Variants in DSCAML1 observed in about 807,000 individuals in gnomAD.
DSCAML1 encodes DS cell adhesion molecule like 1, also known as cell adhesion molecule DSCAML1.
Under a neutral mutation model 200.5 loss-of-function variants are expected in DSCAML1, and 38 were observed. The ratio of observed to expected loss-of-function variants is 0.19; its 90% CI spans 0.15 to 0.25. The LOEUF is 0.25. Ranked by LOEUF, DSCAML1 falls within the 10% of genes least tolerant of loss-of-function variation. The pLI is 1.00. For missense variants in DSCAML1, 2,223 were observed against 2,858.8 expected (o/e 0.78, Z 5.07); for synonymous variants, 1,215 against 1,165.0 (o/e 1.04, Z -0.87).
chr11:117,477,029 C>T (rs1186562821), intron 14 of DSCAML1, among the ~76,000 whole-genome samples: 1 of 152,060 alleles, frequency 6.6e-6, no homozygotes, highest in African/African-American at 2.4e-5. Flanking sequence ...ATCCTCATGG[C>T]CACCCTGAGA....
At chr11:117,600,477 A>G (rs11216465) in intron 3 of DSCAML1, among the ~76,000 whole-genome samples, 7,208 of 152,182 alleles carry the variant, frequency 0.047, 581 homozygotes, top group African/African-American at 0.16. Flanking sequence ...CAGCCCACAG[A>G]GGGGAAATGC....
intron 3 of DSCAML1, among the ~76,000 whole-genome samples, chr11:117,772,923 C>T (rs1244704930): frequency 3.3e-5 from 5 of 152,092 alleles, no homozygotes; most frequent in Admixed American, 1.3e-4. Flanking sequence ...CTTTAAACAG[C>T]GGATGGAAAG....
chr11:117,446,787 A>T (rs1354426666), intron 20 of DSCAML1, among the ~76,000 whole-genome samples: 2 of 152,254 alleles, frequency 1.3e-5, no homozygotes, highest in Admixed American at 1.3e-4. Context: ...GTAAGTCTGT[A>T]TGCAGAACTT....
At chr11:117,695,056 G>A (rs1028143730) in intron 3 of DSCAML1, among the ~76,000 whole-genome samples, 5 of 152,120 alleles carry the variant, frequency 3.3e-5, no homozygotes, top group Admixed American at 3.3e-4. Context: ...TATGGTGGAT[G>A]GATTAGAGGG....
intron 3 of DSCAML1, among the ~76,000 whole-genome samples, chr11:117,756,401 A>G (rs1029099607): frequency 6.6e-6 from 1 of 152,216 alleles, no homozygotes; most frequent in Non-Finnish European, 1.5e-5. Flanking sequence ...GAGCAGAGAT[A>G]GAGAAGCATC....
At chr11:117,644,731 T>C (rs1281872623) in intron 3 of DSCAML1, among the ~76,000 whole-genome samples, 3 of 152,168 alleles carry the variant, frequency 2.0e-5, no homozygotes, top group African/African-American at 7.2e-5. Flanking sequence ...CCTCTGGCAA[T>C]GTTCCTCTGC....
chr11:117,715,465 G>T (rs1201889586), intron 3 of DSCAML1, among the ~76,000 whole-genome samples: 3 of 152,190 alleles, frequency 2.0e-5, no homozygotes, highest in South Asian at 2.1e-4. Flanking sequence ...TTTTACAACA[G>T]AAAGTATATC....
At chr11:117,573,607 C>G (rs772651041) in intron 3 of DSCAML1, among the ~76,000 whole-genome samples, 1 of 152,218 alleles carries the variant, frequency 6.6e-6, no homozygotes, top group Non-Finnish European at 1.5e-5. Context: ...AGACAGCTCT[C>G]CAGTGAGGCC....
At chr11:117,684,495 C>T (rs148989781) in intron 3 of DSCAML1, among the ~76,000 whole-genome samples, 58 of 139,236 alleles carry the variant, frequency 4.2e-4, no homozygotes, top group African/African-American at 9.4e-4. Context: ...GGGGTGAAGA[C>T]GCTAGGATAT....
At chr11:117,623,314 T>C (rs145860059) in intron 3 of DSCAML1, among the ~76,000 whole-genome samples, 1 of 149,954 alleles carries the variant, frequency 6.7e-6, no homozygotes, top group Non-Finnish European at 1.5e-5. Context: ...CATCTCAGGT[T>C]CAAGTGATTC....
intron 3 of DSCAML1, among the ~76,000 whole-genome samples, chr11:117,660,905 A>G (rs908050642): frequency 3.3e-5 from 5 of 152,180 alleles, no homozygotes; most frequent in African/African-American, 1.2e-4. Flanking sequence ...ATCACATTAT[A>G]TACACTGCTG....
rs79316138 is a variant in DSCAML1 at position 117,718,671 on chromosome 11, C to A, written c.511+58120G>T. The stretch of plus-strand genomic sequence containing the variant: ...ACACACAAGATGAATACTCAAAACC[C>A]CCCCCCCCCCCCATCATATGAGACC... On this transcript the variant is annotated intron_variant, in intron 3 of 32. Coordinates refer to ENST00000651296, the MANE Select transcript of DSCAML1 (RefSeq NM_020693.4). Among the ~76,000 whole-genome samples, 8 of 53,270 alleles carry A rather than the reference C, an allele frequency of 1.5e-4. 1 individual carries two copies. The highest frequency in any genetic ancestry group is 2.1e-4 in the Non-Finnish European group (5 of 23,370). 34.9% of individuals were successfully genotyped at this position (53,270 alleles called of 152,430 possible). A position where few individuals can be genotyped will look rare whatever the true frequency, so the allele number is the denominator to read the frequency against.
At chr11:117,502,848 C>T (rs2049422509) in intron 11 of DSCAML1, among the ~76,000 whole-genome samples, 1 of 152,142 alleles carries the variant, frequency 6.6e-6, no homozygotes. Flanking sequence ...CGAGCCCAAC[C>T]CCCCGCTCAT....
At chr11:117,604,015 G>T (rs2051516419) in intron 3 of DSCAML1, among the ~76,000 whole-genome samples, 2 of 152,226 alleles carry the variant, frequency 1.3e-5, no homozygotes, top group African/African-American at 4.8e-5. Context: ...AGGGCCCTGT[G>T]GCTGGGCACT....
intron 19 of DSCAML1, among the ~76,000 whole-genome samples, chr11:117,453,131 C>T (rs1592600307): frequency 6.6e-6 from 1 of 152,246 alleles, no homozygotes; most frequent in Non-Finnish European, 1.5e-5. Context: ...GACGGGGTTT[C>T]ACCATGTTGG....
Position 117,480,109 on chromosome 11 carries a change from A to T in DSCAML1, c.2785+334T>A, listed in dbSNP as rs539358437. 6.6e-6 allele frequency among the ~76,000 whole-genome samples: 1 copy of T among 152,272 alleles called. No individual in the cohort carries two copies. The highest frequency in any genetic ancestry group is 2.1e-4 in the South Asian group (1 of 4,828). ...CCTGGCCAAACCCGTGATGCTTCTG[A>T]TGCCAGAGACAGCCCACAGCCCTGG... On this transcript the variant is annotated intron_variant, in intron 14 of 32. Transcript: ENST00000651296. This position sits in a 1 kb window ranked among gnomAD's most constrained non-coding sequence, Gnocchi z 4.1.
chr11:117,694,779 G>C (rs1038477999), intron 3 of DSCAML1, among the ~76,000 whole-genome samples: 1 of 152,256 alleles, frequency 6.6e-6, no homozygotes, highest in African/African-American at 2.4e-5. Flanking sequence ...GGAACAGACA[G>C]ATCTTGAACT....
chr11:117,674,579 AT>A (rs2053173996), intron 3 of DSCAML1, among the ~76,000 whole-genome samples: 1 of 152,144 alleles, frequency 6.6e-6, no homozygotes, highest in South Asian at 2.1e-4. Context: ...TCAAGGTAGT[AT>A]CCCCGCAAGG....
rs191957963 is a variant in DSCAML1, at chr11:117,540,462, G to A, written c.512-7940C>T. On this transcript the variant is annotated intron_variant, in intron 3 of 32. Transcript: ENST00000651296. Reference sequence around the variant, plus strand: ...CCAGTGGGGGACTGCTGGTTTAAAGGGAATGGAGTTTCAGTTTTACAAAAG... The same window carrying A: ...CCAGTGGGGGACTGCTGGTTTAAAGAGAATGGAGTTTCAGTTTTACAAAAG... Among the ~76,000 whole-genome samples the A allele has an allele frequency of 2.9e-3, 434 of 152,190 alleles. 5 individuals carry two copies. The highest frequency in any genetic ancestry group is 8.4e-3 in the African/African-American group (348 of 41,494).
Sources: gnomAD v4.1 joint callset for allele counts (sites outside exome capture counted in the v4.1 genomes callset) on GRCh38, gnomAD v4.1.1 for gene constraint, Gnocchi (gnomAD v3.1) non-coding constraint, MANE v1.5 for transcripts, NCBI Gene and HGNC (gene_info 2026-07-23, HGNC 2026-07-21) for gene names.